PTGER3: variants seen among roughly 807,000 people sequenced by gnomAD.
The protein encoded by PTGER3 is prostaglandin E receptor 3, also known as prostaglandin E2 receptor EP3 subtype.
PTGER3 carries 22 observed loss-of-function variants against 34.7 expected under a neutral mutation model. The ratio of observed to expected loss-of-function variants is 0.63; its 90% confidence interval spans 0.45 to 0.91. The LOEUF (loss-of-function observed/expected upper bound fraction) is 0.91. PTGER3 is among the 40% of genes least tolerant of loss of function. The probability of loss-of-function intolerance (pLI) is 0.00; values close to 1 mark genes in which losing one functional copy is unlikely to be tolerated. For synonymous variants in PTGER3, 241 were observed against 230.1 expected, an observed-to-expected ratio of 1.05 and a Z score of -0.43; for missense variants, 468 against 519.4, an observed-to-expected ratio of 0.90 and a Z score of 0.96.
intron 4 of PTGER3, among the ~76,000 whole-genome samples, chr1:70,905,935 C>T (rs889467539): frequency 6.6e-6 from 1 of 152,136 alleles, no homozygotes; most frequent in African/African-American, 2.4e-5. Flanking sequence ...TCACAATTGC[C>T]ACATGTCATG....
At chr1:71,032,372 T>A (rs973247650) in intron 1 of PTGER3, among the ~76,000 whole-genome samples, 2 of 152,242 alleles carry the variant, frequency 1.3e-5, no homozygotes, top group Non-Finnish European at 2.9e-5. Flanking sequence ...CTGTTTCTTG[T>A]GTTTATAAAA....
In PTGER3 at chr1:71,021,628, A is replaced by G. The variant is rs191127842; in HGVS notation, c.898-9144T>C. ...ATCCTTAAAAATGCTTAGATTTCAG[A>G]GTTTTTTCCTCCCAAAATATAGTTT... On this transcript the variant is annotated intron_variant, in intron 1 of 3. Coordinates refer to ENST00000306666, the MANE Select transcript of PTGER3 (RefSeq NM_198719.2). Among the ~76,000 whole-genome samples, 248 of 151,948 alleles carry G rather than the reference A, an allele frequency of 1.6e-3. 5 individuals carry two copies. Among genetic ancestry groups the G allele is most frequent in the African/African-American group, 5.6e-3 (232 of 41,264 alleles).
At chr1:70,922,404 A>G (rs1647622905) in intron 4 of PTGER3, among the ~76,000 whole-genome samples, 1 of 152,202 alleles carries the variant, frequency 6.6e-6, no homozygotes, top group Non-Finnish European at 1.5e-5. Flanking sequence ...GAAACATTGT[A>G]CAATTTAAAG....
At chr1:70,922,598 A>T (rs1016338758) in intron 4 of PTGER3, among the ~76,000 whole-genome samples, 6 of 152,140 alleles carry the variant, frequency 3.9e-5, no homozygotes, top group Non-Finnish European at 7.4e-5. Flanking sequence ...GTACATAATT[A>T]AAAAATCCCT....
chr1:70,867,017 G>A (rs1646056874), intron 4 of PTGER3, among the ~76,000 whole-genome samples: 1 of 152,156 alleles, frequency 6.6e-6, no homozygotes, highest in Admixed American at 6.5e-5. Flanking sequence ...TTTCACAATT[G>A]CCTCAACCTG....
At chr1:70,986,432 A>G (rs1654920513) in intron 2 of PTGER3, among the ~76,000 whole-genome samples, 1 of 152,222 alleles carries the variant, frequency 6.6e-6, no homozygotes, top group East Asian at 1.9e-4. Flanking sequence ...AGCAGTTCCT[A>G]TGAGGGGACG....
intron 2 of PTGER3, among the ~76,000 whole-genome samples, chr1:70,994,370 T>A (rs1215970517): frequency 6.6e-6 from 1 of 152,192 alleles, no homozygotes; most frequent in African/African-American, 2.4e-5. Context: ...GATGCCATTA[T>A]CTCTAATTTC....
chr1:70,880,503 A>T (rs1646366812), intron 4 of PTGER3, among the ~76,000 whole-genome samples: 1 of 151,680 alleles, frequency 6.6e-6, no homozygotes, highest in African/African-American at 2.4e-5. Flanking sequence ...CAGCCTGGCC[A>T]ACATGGTGAA....
downstream of PTGER3, chr1:70,952,322 C>T (rs565479590): frequency 1.3e-6 from 1 of 761,652 alleles, no homozygotes; most frequent in East Asian, 1.3e-4. Flanking sequence ...GGTTATGAAC[C>T]CTGCCTTCCT....
intron 2 of PTGER3, chr1:71,007,129 A>G: frequency 1.0e-6 from 1 of 985,490 alleles, no homozygotes; most frequent in Non-Finnish European, 1.2e-6. Flanking sequence ...ATAGAGATGG[A>G]TGCTGAGGAG....
downstream of PTGER3, among the ~76,000 whole-genome samples, chr1:70,951,861 C>A (rs1238637598): frequency 6.6e-6 from 1 of 152,022 alleles, no homozygotes; most frequent in African/African-American, 2.4e-5. Context: ...ATAGGACAGG[C>A]ACCATGAAGG....
chr1:71,004,918 C>T (rs928616523), intron 2 of PTGER3, among the ~76,000 whole-genome samples: 1 of 152,164 alleles, frequency 6.6e-6, no homozygotes, highest in Non-Finnish European at 1.5e-5. Flanking sequence ...CAGAACAGTG[C>T]CTATGTGGAC....
chr1:70,936,834 A>G (rs1649277186), intron 4 of PTGER3, among the ~76,000 whole-genome samples: 1 of 152,182 alleles, frequency 6.6e-6, no homozygotes, highest in Admixed American at 6.5e-5. Context: ...AATGCTTAAA[A>G]TTTCATTATT....
At chr1:70,954,225 T>G (rs1651079111) in intron 2 of PTGER3, among the ~76,000 whole-genome samples, 1 of 152,158 alleles carries the variant, frequency 6.6e-6, no homozygotes. Flanking sequence ...GGGCAGTGGA[T>G]ATCTCTCACC....
intron 4 of PTGER3, among the ~76,000 whole-genome samples, chr1:70,922,081 T>G (rs1241232712): frequency 6.6e-6 from 1 of 152,182 alleles, no homozygotes; most frequent in African/African-American, 2.4e-5. Flanking sequence ...GATATTAAGT[T>G]TGCTAAATGC....
chr1:70,971,297 A>G lies in PTGER3; in HGVS notation c.*433T>C, dbSNP rs908451990. ...TATTAATTGAATTATCACTCTCAAT[A>G]TGTTGACTTTTCACCATCATAAGCT... On this transcript the variant is annotated 3_prime_UTR_variant, in exon 4 of 4. Coordinates refer to ENST00000306666, the MANE Select transcript of PTGER3 (RefSeq NM_198719.2). 8.1e-6 allele frequency: 8 copies of G among 987,158 alleles called. No homozygotes were observed. In the African/African-American group the frequency reaches 1.4e-4, roughly 17 times the overall value. The allele number at this position is 987,158 out of a possible 1,614,324, so 61.1% of individuals were successfully genotyped here. A position where few individuals can be genotyped will look rare whatever the true frequency, so the allele number is the denominator to read the frequency against.
At chr1:70,941,619 T>C (rs1019021066) in intron 4 of PTGER3, among the ~76,000 whole-genome samples, 1 of 152,190 alleles carries the variant, frequency 6.6e-6, no homozygotes, top group African/African-American at 2.4e-5. Flanking sequence ...CCTCATTTAA[T>C]GTTACCAAAA....
chr1:71,047,701 C>T lies in PTGER3; in HGVS notation c.-124G>A. On this transcript the variant is annotated 5_prime_UTR_variant, in exon 1 of 4. Coordinates refer to ENST00000306666, the MANE Select transcript of PTGER3 (RefSeq NM_198719.2). Reference sequence around the variant, plus strand: ...TGGGGCTGGGCTGCCCCCCATGGTGCGGGGCGCAGCCGCCGCCCTACTCCG... The same window carrying T: ...TGGGGCTGGGCTGCCCCCCATGGTGTGGGGCGCAGCCGCCGCCCTACTCCG... 2 of 1,138,300 alleles carry T rather than the reference C, an allele frequency of 1.8e-6. No homozygotes were observed. Among genetic ancestry groups the T allele is most frequent in the East Asian group, 3.1e-5 (1 of 32,254 alleles). The allele number at this position is 1,138,300 out of a possible 1,614,324, so 70.5% of individuals were successfully genotyped here. A position where few individuals can be genotyped will look rare whatever the true frequency, so the allele number is the denominator to read the frequency against.
At position 70,990,492 on chromosome 1, in the gene PTGER3, T is replaced by C. The variant is rs149682320; in HGVS notation, c.1078-16104A>G. On this transcript the variant is annotated intron_variant, in intron 2 of 3. Coordinates refer to ENST00000306666, the MANE Select transcript of PTGER3 (RefSeq NM_198719.2). ...TATATATACACATATATGCATTTTA[T>C]ATACATGTATGTATGTACACATATA... Among the ~76,000 whole-genome samples the C allele has an allele frequency of 4.8e-4, 72 of 150,882 alleles. 1 individual carries two copies. The highest frequency in any genetic ancestry group is 1.7e-3 in the African/African-American group (68 of 41,200).
Sources: allele counts gnomAD v4.1 joint callset (sites outside exome capture counted in the v4.1 genomes callset), GRCh38; gene constraint gnomAD v4.1.1; transcripts MANE v1.5; gene names NCBI Gene and HGNC (gene_info 2026-07-23, HGNC 2026-07-21).